Variants in PTPRG observed in about 807,000 individuals in gnomAD.
PTPRG encodes protein tyrosine phosphatase receptor type G, also known as receptor-type tyrosine-protein phosphatase gamma.
In PTPRG, 102 loss-of-function variants were observed where a neutral mutation model predicts 165.3. That is an observed-to-expected ratio of 0.62 (90% CI 0.53 to 0.73). The LOEUF (loss-of-function observed/expected upper bound fraction) is 0.73, where lower values mean the gene tolerates loss of function less well. Ranked by LOEUF, PTPRG falls within the 30% of genes least tolerant of loss-of-function variation. The pLI is 0.00. For missense variants in PTPRG, 1,866 were observed against 1,861.4 expected, an observed-to-expected ratio of 1.00 and a Z score of -0.05; for synonymous variants, 675 against 669.5, an observed-to-expected ratio of 1.01 and a Z score of -0.13.
intron 7 of PTPRG, among the ~76,000 whole-genome samples, chr3:62,157,586 C>CT (rs1704587412): frequency 6.6e-6 from 1 of 152,182 alleles, no homozygotes; most frequent in Non-Finnish European, 1.5e-5. Flanking sequence ...TCATGAACAA[C>CT]ACTCTTGTGA....
chr3:61,662,043 C>T (rs989035957), intron 1 of PTPRG, among the ~76,000 whole-genome samples: 1 of 152,216 alleles, frequency 6.6e-6, no homozygotes, highest in African/African-American at 2.4e-5. Flanking sequence ...ACTATACTCA[C>T]CTTCTAGGTT....
At chr3:61,917,370 A>G (rs972637005) in intron 2 of PTPRG, among the ~76,000 whole-genome samples, 1 of 152,146 alleles carries the variant, frequency 6.6e-6, no homozygotes, top group African/African-American at 2.4e-5. Context: ...AATGAAATGG[A>G]GTGTTTAAGC....
At chr3:61,636,064 C>T (rs976864074) in intron 1 of PTPRG, among the ~76,000 whole-genome samples, 12 of 152,094 alleles carry the variant, frequency 7.9e-5, no homozygotes, top group Admixed American at 7.9e-4. Context: ...TAAATTCTTC[C>T]TAAATTTGAG....
chr3:62,208,839 CAGA>C (rs1700290567), intron 12 of PTPRG, among the ~76,000 whole-genome samples: 1 of 152,232 alleles, frequency 6.6e-6, no homozygotes, highest in African/African-American at 2.4e-5. Context: ...CCTGCCTATG[CAGA>C]AGGCCAGCTG....
chr3:62,272,635 G>C (rs1346202261), intron 21 of PTPRG, among the ~76,000 whole-genome samples: 2 of 152,118 alleles, frequency 1.3e-5, no homozygotes, highest in African/African-American at 2.4e-5. Context: ...CCTGAGGTCA[G>C]GAGTTCGATA....
intron 2 of PTPRG, among the ~76,000 whole-genome samples, chr3:61,831,793 A>G (rs1035124142): frequency 1.1e-4 from 16 of 152,276 alleles, no homozygotes; most frequent in African/African-American, 3.6e-4. Flanking sequence ...CTCCATTGCA[A>G]AAAGGAAATA....
chr3:62,033,539 C>A lies in PTPRG; in HGVS notation c.519+30042C>A, dbSNP rs546255230. Among the ~76,000 whole-genome samples, 48 of 142,994 alleles carry A rather than the reference C, an allele frequency of 3.4e-4. No individual in the cohort carries two copies. In the South Asian group the frequency reaches 4.0e-3, roughly 12 times the overall value. 93.8% of individuals were successfully genotyped at this position (142,994 alleles called of 152,430 possible). ...CATACCATGCCTATCTTCCCCCCCC[C>A]ACCCCCCACCAGAGATAGGGCCTCC... On this transcript the variant is annotated intron_variant, in intron 4 of 29. Transcript: ENST00000474889.
chr3:61,593,875 T>C (rs1213895897), intron 1 of PTPRG, among the ~76,000 whole-genome samples: 1 of 152,140 alleles, frequency 6.6e-6, no homozygotes, highest in Non-Finnish European at 1.5e-5. Context: ...TTGAAGGCAA[T>C]TGGAAAGATA....
intron 4 of PTPRG, among the ~76,000 whole-genome samples, chr3:62,016,401 C>T (rs980880396): frequency 6.6e-6 from 1 of 152,004 alleles, no homozygotes; most frequent in Non-Finnish European, 1.5e-5. Flanking sequence ...CTCCTGACCT[C>T]GTGATTCGCC....
chr3:61,756,522 T>G (rs1380580054), intron 2 of PTPRG, among the ~76,000 whole-genome samples: 2 of 152,212 alleles, frequency 1.3e-5, no homozygotes, highest in Non-Finnish European at 2.9e-5. Context: ...GCCTCTCCAG[T>G]GTTTGAAAGA....
intron 1 of PTPRG, among the ~76,000 whole-genome samples, chr3:61,589,860 A>G (rs1700524213): frequency 6.6e-6 from 1 of 152,138 alleles, no homozygotes; most frequent in Non-Finnish European, 1.5e-5. Context: ...TGAAAGTCGA[A>G]TATGGATGTG....
At chr3:61,832,930 C>G (rs186641895) in intron 2 of PTPRG, among the ~76,000 whole-genome samples, 1 of 152,182 alleles carries the variant, frequency 6.6e-6, no homozygotes, top group South Asian at 2.1e-4. Context: ...TAGCTTGGCT[C>G]CCACTTATGA....
chr3:61,707,114 A>G (rs1360595681), intron 1 of PTPRG, among the ~76,000 whole-genome samples: 1 of 152,190 alleles, frequency 6.6e-6, no homozygotes, highest in African/African-American at 2.4e-5. Flanking sequence ...TCCATAGTAT[A>G]AATATTTCAT....
At chr3:61,747,101 C>T (rs112785064) in intron 1 of PTPRG, among the ~76,000 whole-genome samples, 2 of 146,380 alleles carry the variant, frequency 1.4e-5, no homozygotes, top group Non-Finnish European at 3.0e-5. Context: ...CCAGCCTGTT[C>T]GACAGAGCAA....
intron 8 of PTPRG, among the ~76,000 whole-genome samples, chr3:62,183,514 A>C (rs922640949): frequency 1.4e-4 from 21 of 151,666 alleles, no homozygotes; most frequent in Admixed American, 1.4e-3. Flanking sequence ...CAGTGAGCCA[A>C]GATTACACCA....
chr3:62,069,684 T>TCTCTCTCTCACACA lies in PTPRG; in HGVS notation c.520-8478_520-8477insTCTCTCTCACACAC, dbSNP rs542306888. 1.0e-3 allele frequency among the ~76,000 whole-genome samples: 150 copies of TCTCTCTCTCACACA among 144,968 alleles called. 2 individuals are homozygous for TCTCTCTCTCACACA. In the South Asian group the frequency reaches 0.012, roughly 11 times the overall value. ...CTCTCTCTCTCTCTCTCTCTCTCTC[T>TCTCTCTCTCACACA]CACACACAGACACACGCACACACAC... On this transcript the variant is annotated intron_variant, in intron 4 of 29. Coordinates refer to ENST00000474889, the MANE Select transcript of PTPRG (RefSeq NM_002841.4).
intron 1 of PTPRG, among the ~76,000 whole-genome samples, chr3:61,738,313 C>CATATATATATAT (rs1287861300): frequency 1.3e-5 from 1 of 76,200 alleles, no homozygotes; most frequent in African/African-American, 5.1e-5. Context: ...TATATATATA[C>CATATATATATAT]ATATATATAT....
At chr3:61,873,086 G>A (rs2037627602) in intron 2 of PTPRG, among the ~76,000 whole-genome samples, 1 of 152,074 alleles carries the variant, frequency 6.6e-6, no homozygotes, top group African/African-American at 2.4e-5. Flanking sequence ...ATTTTGGGGA[G>A]CTGTATATAT....
chr3:62,271,604 G>A lies in PTPRG; in HGVS notation c.3182+49G>A, dbSNP rs749831127. ...GAAATAGATGGGGCAGGGGACTTAG[G>A]CCTCAGTGACCTTGGACCACAATGA... On this transcript the variant is annotated intron_variant, in intron 21 of 29. Coordinates refer to ENST00000474889, the MANE Select transcript of PTPRG (RefSeq NM_002841.4). This position sits in a 1 kb window ranked among gnomAD's most constrained non-coding sequence, Gnocchi z 4.1. 2 of 1,540,914 alleles carry A rather than the reference G, an allele frequency of 1.3e-6. No homozygotes were observed. The highest frequency in any genetic ancestry group is 1.8e-6 in the Non-Finnish European group (2 of 1,134,786).
Sources: gnomAD v4.1 joint callset for allele counts (sites outside exome capture counted in the v4.1 genomes callset) on GRCh38, gnomAD v4.1.1 for gene constraint, Gnocchi (gnomAD v3.1) non-coding constraint, MANE v1.5 for transcripts, NCBI Gene and HGNC (gene_info 2026-07-23, HGNC 2026-07-21) for gene names.